PPM1E: variants seen among roughly 807,000 people sequenced by gnomAD.
PPM1E encodes protein phosphatase, Mg2+/Mn2+ dependent 1E, also known as protein phosphatase 1E.
A neutral mutation model predicts 65.9 loss-of-function variants in PPM1E; 20 were observed. The ratio of observed to expected loss-of-function variants is 0.30; its 90% confidence interval spans 0.21 to 0.44. The LOEUF is 0.44. Ranked by LOEUF, PPM1E falls within the 20% of genes least tolerant of loss-of-function variation. The pLI, the probability that PPM1E is intolerant of heterozygous loss-of-function variation, is 1.00. For synonymous variants in PPM1E, 352 were observed against 374.9 expected, an observed-to-expected ratio of 0.94 and a Z score of 0.70; for missense variants, 713 against 953.1, an observed-to-expected ratio of 0.75 and a Z score of 3.32.
intron 1 of PPM1E, among the ~76,000 whole-genome samples, chr17:58,829,380 T>C (rs977845964): frequency 2.6e-5 from 4 of 152,240 alleles, no homozygotes; most frequent in African/African-American, 9.6e-5. Flanking sequence ...CTTTTGTTTT[T>C]CCTGGAGTTA....
At chr17:58,817,264 A>G (rs1180958848) in intron 1 of PPM1E, among the ~76,000 whole-genome samples, 1 of 152,114 alleles carries the variant, frequency 6.6e-6, no homozygotes, top group South Asian at 2.1e-4. Flanking sequence ...CCCTGCTTAC[A>G]GTTCTTTTGG....
At chr17:58,881,985 C>A (rs2051199986) in intron 1 of PPM1E, among the ~76,000 whole-genome samples, 1 of 131,002 alleles carries the variant, frequency 7.6e-6, no homozygotes, top group Non-Finnish European at 1.6e-5. Context: ...CATGGTGAAA[C>A]CCTGTCTCTA....
At chr17:58,856,125 A>C (rs2050879200) in intron 1 of PPM1E, among the ~76,000 whole-genome samples, 1 of 152,194 alleles carries the variant, frequency 6.6e-6, no homozygotes, top group Non-Finnish European at 1.5e-5. Context: ...CATTATCTAA[A>C]AGCTTATTCC....
At chr17:58,920,595 AT>A (rs1196561106) in intron 1 of PPM1E, among the ~76,000 whole-genome samples, 1 of 152,184 alleles carries the variant, frequency 6.6e-6, no homozygotes, top group East Asian at 1.9e-4. Flanking sequence ...TAGAGTTACT[AT>A]TTGTTGAAAT....
At chr17:58,951,754 T>TA (rs2143634340) in intron 1 of PPM1E, among the ~76,000 whole-genome samples, 1 of 152,022 alleles carries the variant, frequency 6.6e-6, no homozygotes, top group South Asian at 2.1e-4. Flanking sequence ...TGCCTATGAA[T>TA]AGCCACTGCA....
Position 58,756,307 on chromosome 17 carries a change from A to ACGG in PPM1E, c.318_320dup (p.Ala108dup), listed in dbSNP as rs1374204059. 3.3e-6 allele frequency: 5 copies of ACGG among 1,507,450 alleles called. No individual in the cohort carries two copies. In the African/African-American group the frequency reaches 5.7e-5, roughly 17 times the overall value. 93.4% of individuals were successfully genotyped at this position (1,507,450 alleles called of 1,614,324 possible). A position where few individuals can be genotyped will look rare whatever the true frequency, so the allele number is the denominator to read the frequency against. ...TGAGGAGGAGGAGGAGGGCGCGGCG[A>ACGG]CGGCGGCGGCAGCCCCGGGGCACTC... On this transcript the variant is annotated inframe_insertion, in exon 1 of 7. Coordinates refer to ENST00000308249, the MANE Select transcript of PPM1E (RefSeq NM_014906.5).
intron 1 of PPM1E, among the ~76,000 whole-genome samples, chr17:58,942,980 G>A (rs1390968477): frequency 6.6e-6 from 1 of 151,868 alleles, no homozygotes; most frequent in African/African-American, 2.4e-5. Flanking sequence ...CTATGATTGT[G>A]CCACTGCACT....
intron 1 of PPM1E, among the ~76,000 whole-genome samples, chr17:58,878,384 A>T (rs2051151514): frequency 6.6e-6 from 1 of 151,836 alleles, no homozygotes; most frequent in African/African-American, 2.4e-5. Flanking sequence ...CTGGGATTAC[A>T]GGCACGTGCC....
At chr17:58,931,250 G>A (rs1183013967) in intron 1 of PPM1E, among the ~76,000 whole-genome samples, 2 of 152,048 alleles carry the variant, frequency 1.3e-5, no homozygotes, top group Non-Finnish European at 2.9e-5. Flanking sequence ...ACCAGGCATG[G>A]TGGTGCATGC....
chr17:58,793,782 A>G (rs1375486508), intron 1 of PPM1E, among the ~76,000 whole-genome samples: 1 of 152,204 alleles, frequency 6.6e-6, no homozygotes, highest in Non-Finnish European at 1.5e-5. Flanking sequence ...ACAAGGTCTC[A>G]ACATCTATTT....
At chr17:58,902,504 G>A (rs1460584073) in intron 1 of PPM1E, among the ~76,000 whole-genome samples, 1 of 152,082 alleles carries the variant, frequency 6.6e-6, no homozygotes, top group East Asian at 1.9e-4. Context: ...TCTAGCATGT[G>A]GGATGTGAAG....
At chr17:58,835,039 G>T (rs2050640977) in intron 1 of PPM1E, among the ~76,000 whole-genome samples, 1 of 152,036 alleles carries the variant, frequency 6.6e-6, no homozygotes, top group African/African-American at 2.4e-5. Flanking sequence ...CAGTTATTTA[G>T]GTCATTAAAA....
intron 1 of PPM1E, among the ~76,000 whole-genome samples, chr17:58,769,856 G>C (rs964275969): frequency 1.3e-5 from 2 of 151,762 alleles, no homozygotes; most frequent in Non-Finnish European, 2.9e-5. Flanking sequence ...GCAAAACCCC[G>C]TCTCTACTAA....
chr17:58,848,993 T>G (rs1049181093), intron 1 of PPM1E, among the ~76,000 whole-genome samples: 43 of 152,340 alleles, frequency 2.8e-4, no homozygotes, highest in Admixed American at 2.0e-3. Flanking sequence ...CTTCCTGGTT[T>G]AGTCTTGGGA....
At chr17:58,936,170 A>G (rs2051977781) in intron 1 of PPM1E, among the ~76,000 whole-genome samples, 1 of 152,122 alleles carries the variant, frequency 6.6e-6, no homozygotes, top group Non-Finnish European at 1.5e-5. Context: ...AGAGGTTGCT[A>G]TAGAAAGAAA....
chr17:58,761,832 C>T (rs1406853844), intron 1 of PPM1E, among the ~76,000 whole-genome samples: 2 of 152,134 alleles, frequency 1.3e-5, no homozygotes, highest in African/African-American at 2.4e-5. Flanking sequence ...TTTATATCTC[C>T]GTCACTAGAC....
chr17:58,853,837 A>G (rs2050853978), intron 1 of PPM1E, among the ~76,000 whole-genome samples: 1 of 152,078 alleles, frequency 6.6e-6, no homozygotes. Context: ...TCCCAAAAAA[A>G]GAAAAGAAAG....
At chr17:58,795,400 C>T (rs796349774) in intron 1 of PPM1E, among the ~76,000 whole-genome samples, 1 of 152,194 alleles carries the variant, frequency 6.6e-6, no homozygotes, top group African/African-American at 2.4e-5. Flanking sequence ...TATATTTTGA[C>T]TTTTTAATAA....
At chr17:58,962,063 T>C (rs925957810) in intron 2 of PPM1E, among the ~76,000 whole-genome samples, 4 of 152,142 alleles carry the variant, frequency 2.6e-5, no homozygotes, top group African/African-American at 7.2e-5. Flanking sequence ...GGCGAGTGGA[T>C]CACCTGAGGT....
Sources: allele counts gnomAD v4.1 joint callset (sites outside exome capture counted in the v4.1 genomes callset), GRCh38; gene constraint gnomAD v4.1.1; transcripts MANE v1.5; gene names NCBI Gene and HGNC (gene_info 2026-07-23, HGNC 2026-07-21).